ADD3: variants seen among roughly 807,000 people sequenced by gnomAD.
ADD3 encodes the protein gamma-adducin.
In ADD3, 25 loss-of-function variants were observed where a neutral mutation model predicts 80.2. That is an observed-to-expected ratio of 0.31 (90% CI 0.23 to 0.44). The LOEUF is 0.44. Among genes scored for constraint, ADD3 ranks in the 20% least tolerant of loss-of-function variants. ADD3 has a pLI of 1.00. For missense variants in ADD3, 829 were observed against 847.5 expected (o/e 0.98, Z 0.27); for synonymous variants, 284 against 289.6 (o/e 0.98, Z 0.20).
chr10:110,125,612 T>C, intron 10 of ADD3: 1 of 326,302 alleles, frequency 3.1e-6, no homozygotes, highest in South Asian at 8.0e-5. Context: ...TGAATATTTA[T>C]GTGAATCGTA....
chr10:110,024,637 T>G lies in ADD3; in HGVS notation c.-30+16338T>G, dbSNP rs1854067718. 2.6e-5 allele frequency among the ~76,000 whole-genome samples: 4 copies of G among 152,176 alleles called. No individual in the cohort carries two copies. In the South Asian group the frequency reaches 8.3e-4, roughly 32 times the overall value. ...CTTCTAGATTATTTCAATGTAAAATTTTCATGCTTAAAATTTTTAAGTGTT... is the reference window on the plus strand; with the variant it reads ...CTTCTAGATTATTTCAATGTAAAATGTTCATGCTTAAAATTTTTAAGTGTT... On this transcript the variant is annotated intron_variant, in intron 1 of 14. Coordinates refer to ENST00000356080, the MANE Select transcript of ADD3 (RefSeq NM_016824.5).
At position 110,113,220 on chromosome 10, in the gene ADD3, C is replaced by T. The variant is rs577230745; in HGVS notation, c.334+305C>T. 2.0e-5 allele frequency among the ~76,000 whole-genome samples: 3 copies of T among 152,204 alleles called. No homozygotes were observed. In the South Asian group the frequency reaches 6.2e-4, roughly 32 times the overall value. On this transcript the variant is annotated intron_variant, in intron 3 of 14. Coordinates refer to ENST00000356080, the MANE Select transcript of ADD3 (RefSeq NM_016824.5). ...TTGAGCCCAGGAGTTCGAGACCAGC[C>T]TAGCAAACAAAGTGAAAACCTTGTC...
rs954007517 is a variant in ADD3 at position 110,008,237 on chromosome 10, T to TGCAGCCCGGGCGGCTGCC, written c.-90_-73dup. ...CCGCAGCGGCGGATCCGGCGGCTGC[T>TGCAGCCCGGGCGGCTGCC]GCAGCCCGGGCGGCTGCCGAGAAGG... is the stretch of plus-strand genomic sequence containing the variant. On this transcript the variant is annotated 5_prime_UTR_variant, in exon 1 of 15. Transcript: ENST00000356080. The TGCAGCCCGGGCGGCTGCC allele has an allele frequency of 3.3e-5, 5 of 152,192 alleles. No homozygotes were observed. The highest frequency in any genetic ancestry group is 6.5e-5 in the Admixed American group (1 of 15,288). 9.4% of individuals were successfully genotyped at this position (152,192 alleles called of 1,614,324 possible). A position where few individuals can be genotyped will look rare whatever the true frequency, so the allele number is the denominator to read the frequency against.
At chr10:110,048,661 A>C (rs1280042662) in intron 1 of ADD3, among the ~76,000 whole-genome samples, 1 of 152,186 alleles carries the variant, frequency 6.6e-6, no homozygotes, top group African/African-American at 2.4e-5. Context: ...GGAACTTTGA[A>C]CTTGAGAAAG....
At chr10:110,011,838 T>G (rs544665587) in intron 1 of ADD3, among the ~76,000 whole-genome samples, 1 of 152,330 alleles carries the variant, frequency 6.6e-6, no homozygotes, top group East Asian at 1.9e-4. Context: ...TGCCAGAGTG[T>G]TTATAGGTGA....
chr10:110,124,831 C>G (rs1851942591), intron 10 of ADD3, among the ~76,000 whole-genome samples: 1 of 152,176 alleles, frequency 6.6e-6, no homozygotes, highest in African/African-American at 2.4e-5. Flanking sequence ...ACCAAACATT[C>G]TCTAGGTCAG....
At chr10:110,122,406 A>T (rs149311015) in intron 9 of ADD3, 114 bp downstream of exon 9, 3 of 899,882 alleles carry the variant, frequency 3.3e-6, no homozygotes. Flanking sequence ...GTTTGGCCCT[A>T]GGAAAGCATT....
At chr10:110,121,810 C>T in intron 8 of ADD3, 1 of 218,524 alleles carries the variant, frequency 4.6e-6, no homozygotes, top group Non-Finnish European at 8.9e-6. Context: ...GGGAAAACTT[C>T]AAGAAAAGAA....
At chr10:110,116,551 T>A in intron 4 of ADD3, 141 bp downstream of exon 4, 2 of 802,192 alleles carry the variant, frequency 2.5e-6, no homozygotes, top group Non-Finnish European at 1.9e-6. Context: ...AATACTGATT[T>A]AAACCTTATA....
intron 1 of ADD3, among the ~76,000 whole-genome samples, chr10:110,100,301 G>T (rs1848664844): frequency 7.4e-6 from 1 of 134,906 alleles, no homozygotes; most frequent in African/African-American, 3.0e-5. Flanking sequence ...ATTGAGCCAA[G>T]ATCACGTCAC....
At chr10:110,040,471 A>G (rs1856173985) in intron 1 of ADD3, among the ~76,000 whole-genome samples, 1 of 152,228 alleles carries the variant, frequency 6.6e-6, no homozygotes, top group Non-Finnish European at 1.5e-5. Context: ...ATCATCCATA[A>G]TTAGGAGTAC....
Position 110,133,326 on chromosome 10 carries a change from A to G in ADD3, c.1829A>G (p.Glu610Gly). 1 of 1,569,118 alleles carries G rather than the reference A, an allele frequency of 6.4e-7. No homozygotes were observed. Among genetic ancestry groups the G allele is most frequent in the Non-Finnish European group, 8.7e-7 (1 of 1,151,872 alleles). Residue 610 changes from glutamate (E) to glycine (G), a missense_variant and splice_region_variant, in exon 15 of 15, where the codon GAA becomes GGA. Transcript: ENST00000356080. ...SPQNVPEKLE[E>G]NHELFSKSFI... ...CCCAAAAAACCCTCCCCTTTCGTAGAAAACCATGAGCTGTTTTCCAAGAGC... is the reference window on the plus strand; with the variant it reads ...CCCAAAAAACCCTCCCCTTTCGTAGGAAACCATGAGCTGTTTTCCAAGAGC...
At chr10:110,098,952 C>G (rs1241334454) in intron 1 of ADD3, among the ~76,000 whole-genome samples, 1 of 152,060 alleles carries the variant, frequency 6.6e-6, no homozygotes, top group East Asian at 1.9e-4. Flanking sequence ...TTTTGCCTCA[C>G]TCCATCGCCC....
intron 1 of ADD3, among the ~76,000 whole-genome samples, chr10:110,012,439 TTGAG>T (rs1852440353): frequency 6.6e-6 from 1 of 152,220 alleles, no homozygotes; most frequent in South Asian, 2.1e-4. Flanking sequence ...CTGTTTTTGG[TTGAG>T]TATGTTTGAA....
At chr10:110,096,475 C>G (rs533914399) in intron 1 of ADD3, among the ~76,000 whole-genome samples, 3 of 152,274 alleles carry the variant, frequency 2.0e-5, no homozygotes, top group African/African-American at 7.2e-5. Context: ...ACAGAAACAA[C>G]AACAAAAACA....
At chr10:110,019,617 G>A (rs1853425922) in intron 1 of ADD3, among the ~76,000 whole-genome samples, 1 of 152,202 alleles carries the variant, frequency 6.6e-6, no homozygotes, top group Non-Finnish European at 1.5e-5. Context: ...GCCTCCCAAA[G>A]TGCTGGGATT....
intron 1 of ADD3, among the ~76,000 whole-genome samples, chr10:110,096,335 T>C (rs1293759898): frequency 6.6e-6 from 1 of 152,164 alleles, no homozygotes; most frequent in African/African-American, 2.4e-5. Flanking sequence ...GTCTCCTCAC[T>C]GCCTTGTCAG....
intron 1 of ADD3, among the ~76,000 whole-genome samples, chr10:110,041,298 A>G (rs934642493): frequency 6.6e-6 from 1 of 152,206 alleles, no homozygotes; most frequent in Non-Finnish European, 1.5e-5. Flanking sequence ...AGGTTTTCCA[A>G]GGTGAATGTG....
intron 1 of ADD3, among the ~76,000 whole-genome samples, chr10:110,071,963 AT>A (rs1054992892): frequency 5.3e-5 from 8 of 152,244 alleles, no homozygotes; most frequent in African/African-American, 1.9e-4. Context: ...CTTTTCTATA[AT>A]TCTTCCTTTT....
Sources: allele counts gnomAD v4.1 joint callset (sites outside exome capture counted in the v4.1 genomes callset), GRCh38; gene constraint gnomAD v4.1.1; transcripts MANE v1.5; gene names NCBI Gene and HGNC (gene_info 2026-07-23, HGNC 2026-07-21).